PLEKHG6: variants seen among roughly 807,000 people sequenced by gnomAD.
The protein encoded by PLEKHG6 is pleckstrin homology and RhoGEF domain containing G6.
PLEKHG6 carries 91 observed loss-of-function variants against 97.5 expected under a neutral mutation model. The ratio of observed to expected loss-of-function variants is 0.93; its 90% CI spans 0.79 to 1.11. The LOEUF is 1.11. Among genes scored for constraint, PLEKHG6 ranks in the 50% most tolerant of loss-of-function variants. The pLI is 0.00. For missense variants in PLEKHG6, 1,044 were observed against 1,031.0 expected (o/e 1.01, Z -0.17); for synonymous variants, 466 against 425.5 (o/e 1.10, Z -1.17).
Position 6,326,894 on chromosome 12 carries a change from G to A in PLEKHG6, c.1670+321G>A, listed in dbSNP as rs560667639. The stretch of plus-strand genomic sequence containing the variant: ...GAATATTAGAGCTGCCAAATCCCCG[G>A]GGAGTGTGAGGTTCGTCTAGGATAG... On this transcript the variant is annotated intron_variant, in intron 14 of 15. Coordinates refer to ENST00000684764, the MANE Select transcript of PLEKHG6 (RefSeq NM_001384598.1). 9.2e-5 allele frequency among the ~76,000 whole-genome samples: 14 copies of A among 152,240 alleles called. No homozygotes were observed. The East Asian group carries it at 2.7e-3, about 29-fold the overall frequency.
rs1441102086 is a variant in PLEKHG6, at chr12:6,316,276, G to A, written c.628G>A (p.Gly210Arg). ...LMEVSAETLF[G>R]NVPSLIRTHR... ...CCAGGTGTCAGCTGAGACCCTGTTT[G>A]GAAATGTCCCCAGCCTGATTCGAAC... The change falls in exon 7 of 16, where the codon GGA (glycine) becomes AGA (arginine). Residue 210 changes from glycine (G) to arginine (R), a missense_variant. Transcript: ENST00000684764. This position sits in a 1 kb window ranked among gnomAD's most constrained non-coding sequence, Gnocchi z 4.1. 7 of 1,554,358 alleles carry A rather than the reference G, an allele frequency of 4.5e-6. No individual in the cohort carries two copies. In the South Asian group the frequency reaches 7.1e-5, roughly 16 times the overall value.
chr12:6,327,226 G>T (rs781397588), intron 14 of PLEKHG6, 28 bp from the exon 15 acceptor site: 4 of 1,417,850 alleles, frequency 2.8e-6, no homozygotes, highest in Admixed American at 2.0e-5. Flanking sequence ...TGACCCCTAC[G>T]CATCTGACTC....
At position 6,320,632 on chromosome 12, in the gene PLEKHG6, C is replaced by G. The variant is rs183887441; in HGVS notation, c.1524+1524C>G. Among the ~76,000 whole-genome samples, 37 of 152,312 alleles carry G rather than the reference C, an allele frequency of 2.4e-4. No homozygotes were observed. The East Asian group carries it at 6.7e-3, about 28-fold the overall frequency. On this transcript the variant is annotated intron_variant, in intron 13 of 15. Coordinates refer to ENST00000684764, the MANE Select transcript of PLEKHG6 (RefSeq NM_001384598.1). The stretch of plus-strand genomic sequence containing the variant: ...GCCCACCCTAAATCCAGGGAGAACT[C>G]ATCTTGAGCTCTTAGGATCTCTGCA...
rs1947459649 is a variant in PLEKHG6 at position 6,316,369 on chromosome 12, C to A, written c.721C>A (p.Leu241Met). Residue 241 changes from leucine to methionine, a missense_variant, in exon 7 of 16, where the codon CTG becomes ATG. Leu to Met is a conservative substitution (Grantham distance 15, BLOSUM62 2). Transcript: ENST00000684764. This position sits in a 1 kb window ranked among gnomAD's most constrained non-coding sequence, Gnocchi z 4.1. ...LEETRASGQP[L>M]DPIGLQSGFL... ...GGAGACTCGGGCCTCGGGCCAGCCTCTGGACCCCATTGGTCTGCAAAGTGG... is the reference window on the plus strand; with the variant it reads ...GGAGACTCGGGCCTCGGGCCAGCCTATGGACCCCATTGGTCTGCAAAGTGG... 6.4e-7 allele frequency: 1 copy of A among 1,570,816 alleles called. No homozygotes were observed. Among genetic ancestry groups the A allele is most frequent in the East Asian group, 2.3e-5 (1 of 42,732 alleles).
rs147599054 is a variant in PLEKHG6 at position 6,320,433 on chromosome 12, G to C, written c.1524+1325G>C. ...AGCTGAGTTTCCTCTGGAGGCTCTA[G>C]AGGAGAATCCATCCTTGCCTCTTCC... is the stretch of plus-strand genomic sequence containing the variant. On this transcript the variant is annotated intron_variant, in intron 13 of 15. Coordinates refer to ENST00000684764, the MANE Select transcript of PLEKHG6 (RefSeq NM_001384598.1). 1.8e-3 allele frequency among the ~76,000 whole-genome samples: 280 copies of C among 152,320 alleles called. 2 individuals are homozygous for C. Among genetic ancestry groups the C allele is most frequent in the Admixed American group, 3.7e-3 (57 of 15,304 alleles).
chr12:6,319,145 G>A (rs367810830), intron 13 of PLEKHG6, 37 bp downstream of exon 13: 207 of 1,404,556 alleles, frequency 1.5e-4, no homozygotes, highest in Admixed American at 3.7e-4. Flanking sequence ...CATGGGCAGG[G>A]GTCCCCGGAG....
At position 6,316,404 on chromosome 12, in the gene PLEKHG6, G is replaced by T; in HGVS notation, c.756G>T (p.Thr252=). Residue 252 remains threonine (T), a splice_region_variant and synonymous_variant, in exon 7 of 16, where the codon ACG becomes ACT. Transcript: ENST00000684764. This position sits in a 1 kb window ranked among gnomAD's most constrained non-coding sequence, Gnocchi z 4.1. ...DPIGLQSGFL[T]FGQRFHPYVQ... ...TTGGTCTGCAAAGTGGCTTCCTGAC[G>T]GTGAGGCCTGTGAAGGGCTGTGTCT... The T allele has an allele frequency of 6.4e-7, 1 of 1,569,322 alleles. No individual in the cohort carries two copies. Among genetic ancestry groups the T allele is most frequent in the South Asian group, 1.2e-5 (1 of 85,092 alleles).
chr12:6,318,405 G>A lies in PLEKHG6; in HGVS notation c.1260G>A (p.Glu420=). The change falls in exon 11 of 16, where the codon GAG becomes GAA. Residue 420 remains glutamate, a synonymous_variant. Transcript: ENST00000684764. The part of the protein sequence containing the change: ...LLLEGPVRVK[E]GREGKLDVYL... ...TGGAGGGGCCTGTGCGAGTGAAGGA[G>A]GGACGAGAAGGGAAGGTGAGGGTGC... 1 of 1,609,348 alleles carries A rather than the reference G, an allele frequency of 6.2e-7. No individual in the cohort carries two copies. Among genetic ancestry groups the A allele is most frequent in the Admixed American group, 1.7e-5 (1 of 59,090 alleles).
chr12:6,313,297 G>A (rs546053617), intron 2 of PLEKHG6: 56 of 1,053,508 alleles, frequency 5.3e-5, no homozygotes, highest in African/African-American at 3.3e-4. Context: ...CCCATGGTAC[G>A]GAGAGCAGGA....
chr12:6,318,677 C>T, intron 11 of PLEKHG6, 68 bp from the exon 12 acceptor site: 1 of 1,549,340 alleles, frequency 6.5e-7, no homozygotes, highest in East Asian at 2.3e-5. Context: ...GCCTGAGCCT[C>T]CTCCCGGACC....
intron 11 of PLEKHG6, 143 bp downstream of exon 11, chr12:6,318,563 C>A: frequency 8.0e-7 from 1 of 1,244,052 alleles, no homozygotes; most frequent in Non-Finnish European, 1.1e-6. Context: ...GACCCTGAGC[C>A]AGCCACTTTG....
chr12:6,324,894 T>C (rs564033592), intron 13 of PLEKHG6, among the ~76,000 whole-genome samples: 5 of 152,302 alleles, frequency 3.3e-5, no homozygotes, highest in Middle Eastern at 6.8e-3. Flanking sequence ...TAGTATAGCA[T>C]GGGCATCAAC....
chr12:6,312,449 T>C (rs1947306155), intron 2 of PLEKHG6, 85 bp downstream of exon 2: 2 of 1,404,598 alleles, frequency 1.4e-6, no homozygotes, highest in African/African-American at 1.5e-5. Flanking sequence ...CCCTTACAGG[T>C]TCAGAGGTTG....
chr12:6,324,255 C>T (rs975996643), intron 13 of PLEKHG6, among the ~76,000 whole-genome samples: 1 of 146,446 alleles, frequency 6.8e-6, no homozygotes, highest in African/African-American at 2.6e-5. Context: ...ATTCCCCCGA[C>T]CCCCTACCCC....
chr12:6,326,917 T>A (rs2136794510), intron 14 of PLEKHG6, among the ~76,000 whole-genome samples: 1 of 152,162 alleles, frequency 6.6e-6, no homozygotes, highest in East Asian at 1.9e-4. Flanking sequence ...TCGTCTAGGA[T>A]AGCACCACTG....
chr12:6,315,461 G>T lies in PLEKHG6; in HGVS notation c.460-93G>T. The stretch of plus-strand genomic sequence containing the variant: ...GTCATGGTCATGCACAAAGTGCCTA[G>T]AACCTATGAAGTGGATCCGGTCGCA... On this transcript the variant is annotated intron_variant, in intron 4 of 15. Transcript: ENST00000684764. The surrounding 1 kb of genome is among the most constrained non-coding windows in gnomAD (Gnocchi z 4.5). 1.2e-6 allele frequency: 1 copy of T among 836,426 alleles called. No homozygotes were observed. The highest frequency in any genetic ancestry group is 1.9e-6 in the Non-Finnish European group (1 of 518,500). The allele number at this position is 836,426 out of a possible 1,614,324, so 51.8% of individuals were successfully genotyped here.
chr12:6,314,300 C>CGA (rs1256728203), intron 3 of PLEKHG6, among the ~76,000 whole-genome samples: 1 of 152,026 alleles, frequency 6.6e-6, no homozygotes, highest in Non-Finnish European at 1.5e-5. Context: ...GTCAGGAGTT[C>CGA]GAAACCAGCC....
At chr12:6,311,500 T>C (rs531876041) in intron 1 of PLEKHG6, among the ~76,000 whole-genome samples, 21 of 152,254 alleles carry the variant, frequency 1.4e-4, no homozygotes, top group Non-Finnish European at 1.8e-4. Flanking sequence ...CTGTCCCAAC[T>C]AGCAAGAAGC....
chr12:6,327,392 C>T lies in PLEKHG6; in HGVS notation c.1809C>T (p.Ser603=). ...LIPGTPTGSR[S]PLSRLRQRAL... Reference sequence around the variant, plus strand: ...CAGGCACCCCCACGGGGTCCCGCTCCCCACTGAGCCGTCTACGCCAAAGAG... The same window carrying T: ...CAGGCACCCCCACGGGGTCCCGCTCTCCACTGAGCCGTCTACGCCAAAGAG... The change falls in exon 15 of 16, where the codon TCC becomes TCT. Residue 603 remains serine (S), a synonymous_variant. Coordinates refer to ENST00000684764, the MANE Select transcript of PLEKHG6 (RefSeq NM_001384598.1). 6.2e-7 allele frequency: 1 copy of T among 1,614,166 alleles called. No individual in the cohort carries two copies. Among genetic ancestry groups the T allele is most frequent in the South Asian group, 1.1e-5 (1 of 91,082 alleles).
Sources: gnomAD v4.1 joint callset for allele counts (sites outside exome capture counted in the v4.1 genomes callset) on GRCh38, gnomAD v4.1.1 for gene constraint, Gnocchi (gnomAD v3.1) non-coding constraint, MANE v1.5 for transcripts, NCBI Gene and HGNC (gene_info 2026-07-23, HGNC 2026-07-21) for gene names.